The following ELMO1 variants were observed in gnomAD, a reference collection of about 807,000 sequenced individuals.
ELMO1 encodes engulfment and cell motility protein 1.
A neutral mutation model predicts 98.9 loss-of-function variants in ELMO1; 26 were observed. The ratio of observed to expected loss-of-function variants is 0.26; its 90% CI spans 0.19 to 0.36. The LOEUF (loss-of-function observed/expected upper bound fraction) is 0.36, where lower values mean the gene tolerates loss of function less well. ELMO1 is among the 10% of genes least tolerant of loss of function. The pLI, the probability that ELMO1 is intolerant of heterozygous loss-of-function variation, is 1.00. For missense variants in ELMO1, 627 were observed against 935.2 expected, an observed-to-expected ratio of 0.67 and a Z score of 4.30; for synonymous variants, 346 against 346.0, an observed-to-expected ratio of 1.00 and a Z score of 0.00.
chr7:37,233,255 C>T, intron 7 of ELMO1, 61 bp from the exon 8 acceptor site: 1 of 1,455,308 alleles, frequency 6.9e-7, no homozygotes, highest in Non-Finnish European at 9.4e-7. Context: ...GACACAGAAG[C>T]AAGAAAGTTC....
intron 16 of ELMO1, among the ~76,000 whole-genome samples, chr7:36,907,224 A>G (rs1334794289): frequency 6.6e-6 from 1 of 152,194 alleles, no homozygotes. Context: ...GCAGAGGGAA[A>G]GAGAGGGTTG....
At chr7:37,046,038 A>G (rs377498720) in intron 15 of ELMO1, among the ~76,000 whole-genome samples, 3 of 152,202 alleles carry the variant, frequency 2.0e-5, no homozygotes, top group East Asian at 3.9e-4. Flanking sequence ...AGCCCACAGA[A>G]GCAACTTGCC....
intron 16 of ELMO1, among the ~76,000 whole-genome samples, chr7:36,979,584 C>G (rs1432337597): frequency 6.6e-6 from 1 of 152,208 alleles, no homozygotes; most frequent in Admixed American, 6.5e-5. Flanking sequence ...TGTGGCTCTG[C>G]TACTACCCTC....
In ELMO1 at chr7:37,419,436, A is replaced by AT. The variant is rs531735662; in HGVS notation, c.-74+29238dup. On this transcript the variant is annotated intron_variant, in intron 1 of 21. Coordinates refer to ENST00000310758, the MANE Select transcript of ELMO1 (RefSeq NM_014800.11). ...ATCTGTTTTCTACTAAAAATGTATG[A>AT]TTTTTTTCTTTGTTGTCCTCTCAGG... Among the ~76,000 whole-genome samples, 215 of 152,034 alleles carry AT rather than the reference A, an allele frequency of 1.4e-3. 1 individual carries two copies. The highest frequency in any genetic ancestry group is 5.0e-3 in the African/African-American group (208 of 41,466).
chr7:36,971,997 T>A (rs190604160), intron 16 of ELMO1, among the ~76,000 whole-genome samples: 1 of 152,326 alleles, frequency 6.6e-6, no homozygotes, highest in East Asian at 1.9e-4. Context: ...TCTTGCTGTG[T>A]GATTCATGGG....
chr7:37,206,097 C>T (rs1182559278), intron 13 of ELMO1, among the ~76,000 whole-genome samples: 2 of 152,172 alleles, frequency 1.3e-5, no homozygotes, highest in Non-Finnish European at 2.9e-5. Flanking sequence ...CTATCACCAT[C>T]TCTCACGGTG....
Position 37,023,205 on chromosome 7 carries a change from T to C in ELMO1, c.1301-9770A>G, listed in dbSNP as rs148984037. On this transcript the variant is annotated intron_variant, in intron 15 of 21. Transcript: ENST00000310758. ...AGCAGTTACATGGGCAGTTGGCGGTTTGGAAATTCATTGAGTTGTGTGTGT... is the reference window on the plus strand; with the variant it reads ...AGCAGTTACATGGGCAGTTGGCGGTCTGGAAATTCATTGAGTTGTGTGTGT... Among the ~76,000 whole-genome samples the C allele has an allele frequency of 2.2e-3, 342 of 152,330 alleles. 1 individual carries two copies. The highest frequency in any genetic ancestry group is 4.2e-3 in the East Asian group (22 of 5,180).
At chr7:37,122,877 A>G (rs545090825) in intron 14 of ELMO1, among the ~76,000 whole-genome samples, 2 of 152,320 alleles carry the variant, frequency 1.3e-5, no homozygotes, top group East Asian at 3.9e-4. Flanking sequence ...TTGACCACAT[A>G]GTTAGAAGTA....
intron 16 of ELMO1, among the ~76,000 whole-genome samples, chr7:36,950,195 T>C (rs888234807): frequency 1.3e-5 from 2 of 152,198 alleles, no homozygotes; most frequent in Non-Finnish European, 2.9e-5. Context: ...CAGCTGGAGA[T>C]GAGCGACTCC....
intron 1 of ELMO1, among the ~76,000 whole-genome samples, chr7:37,381,069 G>T (rs970213416): frequency 6.6e-6 from 1 of 152,178 alleles, no homozygotes; most frequent in Non-Finnish European, 1.5e-5. Context: ...TGCCCGTCAG[G>T]CAACTCAAAT....
At chr7:37,089,219 G>A (rs1450693873) in intron 15 of ELMO1, among the ~76,000 whole-genome samples, 4 of 152,272 alleles carry the variant, frequency 2.6e-5, no homozygotes, top group African/African-American at 9.6e-5. Context: ...AAGCAGAGGT[G>A]TCTGGGTGAT....
At chr7:37,276,361 C>A (rs543121563) in intron 4 of ELMO1, among the ~76,000 whole-genome samples, 1 of 152,328 alleles carries the variant, frequency 6.6e-6, no homozygotes, top group South Asian at 2.1e-4. Context: ...GTAATCCCAG[C>A]ACTTTGGGAG....
intron 14 of ELMO1, 108 bp downstream of exon 14, chr7:37,133,018 AAGAC>A (rs1787033310): frequency 3.0e-6 from 2 of 669,572 alleles, no homozygotes; most frequent in African/African-American, 1.8e-5. Flanking sequence ...TTTACTAAGA[AAGAC>A]AGAAAATATG....
At chr7:37,029,903 C>A (rs745365402) in intron 15 of ELMO1, among the ~76,000 whole-genome samples, 1 of 152,084 alleles carries the variant, frequency 6.6e-6, no homozygotes, top group Non-Finnish European at 1.5e-5. Flanking sequence ...CTAAGTTATT[C>A]GTAATACTCG....
At chr7:36,913,841 T>TA (rs1270523692) in intron 16 of ELMO1, among the ~76,000 whole-genome samples, 1 of 152,214 alleles carries the variant, frequency 6.6e-6, no homozygotes, top group Non-Finnish European at 1.5e-5. Flanking sequence ...CCTCCAATCA[T>TA]ACAGCAGTGG....
chr7:37,107,833 A>G (rs925089543), intron 14 of ELMO1, among the ~76,000 whole-genome samples: 4 of 152,230 alleles, frequency 2.6e-5, no homozygotes, highest in African/African-American at 9.6e-5. Flanking sequence ...TAGTGATAAA[A>G]TGAATCTGTC....
intron 16 of ELMO1, among the ~76,000 whole-genome samples, chr7:37,010,481 T>A (rs927058966): frequency 2.6e-5 from 4 of 152,070 alleles, no homozygotes; most frequent in Non-Finnish European, 5.9e-5. Flanking sequence ...TCCTTAAAGG[T>A]GGAAGACCAA....
At chr7:37,216,542 G>A (rs1292531933) in intron 11 of ELMO1, 103 bp downstream of exon 11, 7 of 1,324,770 alleles carry the variant, frequency 5.3e-6, no homozygotes, top group Non-Finnish European at 6.5e-6. Flanking sequence ...CACCACAGAA[G>A]GAAGTCACAG....
chr7:37,215,575 C>T (rs1203672536), intron 11 of ELMO1, among the ~76,000 whole-genome samples: 2 of 152,228 alleles, frequency 1.3e-5, no homozygotes, highest in Non-Finnish European at 2.9e-5. Context: ...CCCTAACCAC[C>T]CAGGGCCAGG....
Sources: gnomAD v4.1 joint callset for allele counts (sites outside exome capture counted in the v4.1 genomes callset) on GRCh38, gnomAD v4.1.1 for gene constraint, MANE v1.5 for transcripts, NCBI Gene and HGNC (gene_info 2026-07-23, HGNC 2026-07-21) for gene names.